SDHA: variants seen among roughly 807,000 people sequenced by gnomAD.
SDHA encodes succinate dehydrogenase [ubiquinone] flavoprotein subunit, mitochondrial.
In SDHA, 48 loss-of-function variants were observed where a neutral mutation model predicts 78.4. The observed-to-expected ratio is 0.61, with a 90% CI of 0.49 to 0.78. The LOEUF (loss-of-function observed/expected upper bound fraction) is 0.78. SDHA is among the 30% of genes least tolerant of loss of function. SDHA has a pLI of 0.00. For missense variants in SDHA, 680 were observed against 892.7 expected, an observed-to-expected ratio of 0.76 and a Z score of 3.04; for synonymous variants, 326 against 353.9, an observed-to-expected ratio of 0.92 and a Z score of 0.88.
intron 7 of SDHA, among the ~76,000 whole-genome samples, chr5:232,313 C>T (rs1417135799): frequency 2.0e-5 from 3 of 152,256 alleles, no homozygotes; most frequent in African/African-American, 7.2e-5. Context: ...CAGGCTCAAA[C>T]GATCCTTCCA....
downstream of SDHA, among the ~76,000 whole-genome samples, chr5:258,156 T>C (rs1422082025): frequency 2.2e-5 from 2 of 92,928 alleles, no homozygotes; most frequent in African/African-American, 6.7e-5. Context: ...AGAGCATTAC[T>C]GTGTGAGCTC....
chr5:245,130 A>G (rs1229602159), intron 11 of SDHA, among the ~76,000 whole-genome samples: 1 of 152,238 alleles, frequency 6.6e-6, no homozygotes, highest in Non-Finnish European at 1.5e-5. Context: ...TTAATGAACA[A>G]TTAGAAAAGG....
At chr5:259,407 T>C (rs376578416), downstream of SDHA, among the ~76,000 whole-genome samples, 5 of 46,736 alleles carry the variant, frequency 1.1e-4, no homozygotes, top group African/African-American at 1.6e-4. Context: ...CCGCCTCCCG[T>C]CACAGCATTA....
chr5:225,245 T>A (rs1452763701), intron 3 of SDHA, among the ~76,000 whole-genome samples, 174 bp from the exon 4 acceptor site: 1 of 151,320 alleles, frequency 6.6e-6, no homozygotes, highest in Non-Finnish European at 1.5e-5. Flanking sequence ...CGGGGAGGGG[T>A]TGTGATCTGG....
intron 7 of SDHA, among the ~76,000 whole-genome samples, chr5:231,516 C>T (rs1319839406): frequency 1.3e-5 from 2 of 149,332 alleles, no homozygotes; most frequent in South Asian, 2.1e-4. Context: ...GCCGAGATCG[C>T]GCCACTGCAC....
rs2126547702 is a variant in SDHA, at chr5:225,549, C to T, written c.443C>T (p.Ala148Val). The T allele has an allele frequency of 6.2e-7, 1 of 1,613,812 alleles. No homozygotes were observed. ...AIHYMTEQAP[A>V]AVVELENYGM... is the part of the protein sequence containing the mutation. ...CACTACATGACGGAGCAGGCCCCCGCCGCCGTGGTCGAGGTGATGGGCGGG... is the reference window on the plus strand; with the variant it reads ...CACTACATGACGGAGCAGGCCCCCGTCGCCGTGGTCGAGGTGATGGGCGGG... The change falls in exon 4 of 15, where the codon GCC becomes GTC. Residue 148 changes from alanine (A) to valine (V), a missense_variant. Transcript: ENST00000264932.
chr5:232,018 A>C lies in SDHA; in HGVS notation c.895+1018A>C, dbSNP rs943748953. On this transcript the variant is annotated intron_variant, in intron 7 of 14. Transcript: ENST00000264932. ...GAGGAGGTTCTTCAGAATGAGTCAG[A>C]GACAGACACACACCTGCCTCTTGTT... Among the ~76,000 whole-genome samples, 16 of 137,656 alleles carry C rather than the reference A, an allele frequency of 1.2e-4. 1 individual carries two copies. Among genetic ancestry groups the C allele is most frequent in the African/African-American group, 5.4e-4 (16 of 29,522 alleles). 90.3% of individuals were successfully genotyped at this position (137,656 alleles called of 152,430 possible).
chr5:241,993 A>T (rs1736170453), intron 11 of SDHA, among the ~76,000 whole-genome samples: 1 of 152,230 alleles, frequency 6.6e-6, no homozygotes, highest in Admixed American at 6.5e-5. Flanking sequence ...GAGATAGTTT[A>T]AAGTGAGAAT....
chr5:235,883 C>T (rs968900377), intron 9 of SDHA: 5 of 248,688 alleles, frequency 2.0e-5, no homozygotes, highest in African/African-American at 1.1e-4. Context: ...GTCGCAGATG[C>T]TGACATTGGA....
At chr5:250,916 G>C (rs1251657943) in intron 11 of SDHA, 76 bp from the exon 12 acceptor site, 1 of 1,204,902 alleles carries the variant, frequency 8.3e-7, no homozygotes, top group Non-Finnish European at 1.2e-6. Context: ...CAAAACAACA[G>C]GTCTAAAAGT....
At chr5:236,810 T>A (rs2126591488) in intron 10 of SDHA, among the ~76,000 whole-genome samples, 1 of 152,054 alleles carries the variant, frequency 6.6e-6, no homozygotes, top group African/African-American at 2.4e-5. Context: ...CACACCTGGC[T>A]AATTTTTAAA....
the SDHA span, among the ~76,000 whole-genome samples, chr5:265,320 T>C: frequency 6.6e-6 from 1 of 152,234 alleles, no homozygotes; most frequent in Non-Finnish European, 1.5e-5. Flanking sequence ...ATTTCCTAGC[T>C]CTGCCCCAGG....
chr5:226,846 G>A lies in SDHA; in HGVS notation c.621+799G>A, dbSNP rs185851617. Among the ~76,000 whole-genome samples the A allele has an allele frequency of 7.0e-3, 1,013 of 143,816 alleles. 14 individuals carry two copies. The highest frequency in any genetic ancestry group is 0.025 in the African/African-American group (967 of 38,812). 94.3% of individuals were successfully genotyped at this position (143,816 alleles called of 152,430 possible). On this transcript the variant is annotated intron_variant, in intron 5 of 14. Transcript: ENST00000264932. ...TGGGAGGCTGAGGCAGGAGAATGGC[G>A]TGAACCCAGGAGGCGGAACTTGCAG...
chr5:236,806 T>C lies in SDHA; in HGVS notation c.1432+207T>C, dbSNP rs562384933. Among the ~76,000 whole-genome samples the C allele has an allele frequency of 5.7e-4, 87 of 152,146 alleles. 1 individual carries two copies. Among genetic ancestry groups the C allele is most frequent in the Non-Finnish European group, 1.0e-3 (70 of 68,026 alleles). On this transcript the variant is annotated intron_variant, in intron 10 of 14. Transcript: ENST00000264932. ...GACTACAGATGTGCACCACCACACCTGGCTAATTTTTAAAAAAATTTATTT... is the reference window on the plus strand; with the variant it reads ...GACTACAGATGTGCACCACCACACCCGGCTAATTTTTAAAAAAATTTATTT...
intron 2 of SDHA, among the ~76,000 whole-genome samples, chr5:224,132 G>A (rs1734870333): frequency 6.6e-6 from 1 of 152,184 alleles, no homozygotes; most frequent in Non-Finnish European, 1.5e-5. Context: ...CTGACCCCAT[G>A]GGATAGACCC....
chr5:257,663 G>A (rs1477256870), downstream of SDHA, among the ~76,000 whole-genome samples: 3 of 120,654 alleles, frequency 2.5e-5, 1 homozygote, highest in African/African-American at 1.4e-4. Context: ...GCATTACTGG[G>A]TGAGCTCCAC....
rs201341132 is a variant in SDHA, at chr5:233,595, G to T, written c.1014G>T (p.Ala338=). Residue 338 remains alanine, a synonymous_variant, in exon 8 of 15, where the codon GCG becomes GCT. Coordinates refer to ENST00000264932, the MANE Select transcript of SDHA (RefSeq NM_004168.4). ...ERYAPVAKDL[A]SRDVVSRSMT... is the part of the protein sequence containing the mutation. ...ACGCCCCTGTCGCGAAGGACCTGGC[G>T]TCTAGAGATGTGGTGTCTCGGTCCA... The T allele has an allele frequency of 2.5e-6, 4 of 1,614,218 alleles. No individual in the cohort carries two copies. Among genetic ancestry groups the T allele is most frequent in the South Asian group, 1.1e-5 (1 of 91,088 alleles).
intron 10 of SDHA, among the ~76,000 whole-genome samples, chr5:239,658 C>T (rs566853476): frequency 1.1e-4 from 17 of 152,264 alleles, no homozygotes; most frequent in African/African-American, 3.4e-4. Context: ...ACCTTCCCCC[C>T]GCTGATGTGA....
At chr5:225,751 G>A (rs1476965396) in intron 4 of SDHA, 132 bp from the exon 5 acceptor site, 6 of 1,368,008 alleles carry the variant, frequency 4.4e-6, no homozygotes, top group Admixed American at 3.4e-5. Context: ...CTTTGATGAA[G>A]TGTTGACATT....
Sources: gnomAD v4.1 joint callset for allele counts (sites outside exome capture counted in the v4.1 genomes callset) on GRCh38, gnomAD v4.1.1 for gene constraint, MANE v1.5 for transcripts, NCBI Gene and HGNC (gene_info 2026-07-23, HGNC 2026-07-21) for gene names.